Variants in ERRFI1 observed in about 807,000 individuals in gnomAD.
ERRFI1 encodes ERBB receptor feedback inhibitor 1.
ERRFI1 carries 12 observed loss-of-function variants against 14.6 expected under a neutral mutation model. The ratio of observed to expected loss-of-function variants is 0.82; its 90% CI spans 0.53 to 1.33. The LOEUF (loss-of-function observed/expected upper bound fraction) is 1.33, where lower values mean the gene tolerates loss of function less well. Among genes scored for constraint, ERRFI1 ranks in the 40% most tolerant of loss-of-function variants. The pLI, the probability that ERRFI1 is intolerant of heterozygous loss-of-function variation, is 0.00. For synonymous variants in ERRFI1, 202 were observed against 209.9 expected, an observed-to-expected ratio of 0.96 and a Z score of 0.32; for missense variants, 482 against 572.1, an observed-to-expected ratio of 0.84 and a Z score of 1.61.
At position 8,013,691 on chromosome 1, in the gene ERRFI1, G is replaced by A. The variant is rs2124057549; in HGVS notation, c.908C>T (p.Ala303Val). 6.2e-7 allele frequency: 1 copy of A among 1,614,164 alleles called. No individual in the cohort carries two copies. Among genetic ancestry groups the A allele is most frequent in the Non-Finnish European group, 8.5e-7 (1 of 1,180,020 alleles). ...ACTATAGGTGCTCGAAGTAACTTCT[G>A]CTGACCATCTTCTATAATCTGGCTT... ...PVKPDYRRWS[A>V]EVTSSTYSDE... The change falls in exon 4 of 4, where the codon GCA becomes GTA. Residue 303 changes from alanine (A) to valine (V), a missense_variant. Transcript: ENST00000377482. The surrounding 1 kb of genome is among the most constrained non-coding windows in gnomAD (Gnocchi z 4.3).
Position 8,012,260 on chromosome 1 carries a change from C to CT in ERRFI1, c.*949dup. 1 of 223,110 alleles carries CT rather than the reference C, an allele frequency of 4.5e-6. No individual in the cohort carries two copies. The allele number at this position is 223,110 out of a possible 1,614,324, so 13.8% of individuals were successfully genotyped here. A position where few individuals can be genotyped will look rare whatever the true frequency, so the allele number is the denominator to read the frequency against. ...TGTGTTGTATGTTTATTAATACAGT[C>CT]TAAAAAAAAAAAGCAAAACCACAAC... On this transcript the variant is annotated 3_prime_UTR_variant, in exon 4 of 4. Transcript: ENST00000377482.
intron 1 of ERRFI1, among the ~76,000 whole-genome samples, chr1:8,024,345 G>A (rs961624993): frequency 6.6e-6 from 1 of 152,048 alleles, no homozygotes; most frequent in Non-Finnish European, 1.5e-5. Context: ...AGTTTTACCC[G>A]TCAAAAATAT....
In ERRFI1 at chr1:8,013,640, G is replaced by A. The variant is rs151045316; in HGVS notation, c.959C>T (p.Pro320Leu). ...YSDEDRPPKV[P>L]PREPLSPSNS... Reference sequence around the variant, plus strand: ...ACTCGGTGACAAAGGTTCTCTTGGCGGTACTTTGGGAGGCCTGTCTTCATC... The same window carrying A: ...ACTCGGTGACAAAGGTTCTCTTGGCAGTACTTTGGGAGGCCTGTCTTCATC... The change falls in exon 4 of 4, where the codon CCG (proline) becomes CTG (leucine). Residue 320 changes from proline to leucine, a missense_variant. Coordinates refer to ENST00000377482, the MANE Select transcript of ERRFI1 (RefSeq NM_018948.4). The surrounding 1 kb of genome is among the most constrained non-coding windows in gnomAD (Gnocchi z 4.3). 4.4e-4 allele frequency: 713 copies of A among 1,614,106 alleles called. No homozygotes were observed. The highest frequency in any genetic ancestry group is 5.6e-4 in the Non-Finnish European group (659 of 1,180,028).
Position 8,013,111 on chromosome 1 carries a change from T to G in ERRFI1, c.*99A>C. 9.7e-7 allele frequency: 1 copy of G among 1,027,320 alleles called. No homozygotes were observed. Among genetic ancestry groups the G allele is most frequent in the Non-Finnish European group, 1.4e-6 (1 of 704,278 alleles). The allele number at this position is 1,027,320 out of a possible 1,614,324, so 63.6% of individuals were successfully genotyped here. A position where few individuals can be genotyped will look rare whatever the true frequency, so the allele number is the denominator to read the frequency against. Reference sequence around the variant, plus strand: ...GAAGACAGAGAGTTCAACTATTTTATTTTGCAATCTAAGGGATTTTTCTCT... The same window carrying G: ...GAAGACAGAGAGTTCAACTATTTTAGTTTGCAATCTAAGGGATTTTTCTCT... On this transcript the variant is annotated 3_prime_UTR_variant, in exon 4 of 4. Transcript: ENST00000377482. The surrounding 1 kb of genome is among the most constrained non-coding windows in gnomAD (Gnocchi z 4.3).
At chr1:8,025,511 G>A (rs1569603989) in intron 1 of ERRFI1, among the ~76,000 whole-genome samples, 1 of 152,270 alleles carries the variant, frequency 6.6e-6, no homozygotes. Flanking sequence ...TACCATCGTC[G>A]CTGTGAGATT....
intron 1 of ERRFI1, among the ~76,000 whole-genome samples, chr1:8,019,065 C>CA (rs935171432): frequency 2.6e-5 from 4 of 152,190 alleles, no homozygotes; most frequent in African/African-American, 9.7e-5. Flanking sequence ...AGGCCATGTA[C>CA]ATTCAATTGC....
At position 8,013,203 on chromosome 1, in the gene ERRFI1, C is replaced by T. The variant is rs1474379753; in HGVS notation, c.*7G>A. The T allele has an allele frequency of 4.4e-6, 7 of 1,592,104 alleles. No individual in the cohort carries two copies. The highest frequency in any genetic ancestry group is 6.0e-6 in the Non-Finnish European group (7 of 1,169,680). On this transcript the variant is annotated 3_prime_UTR_variant, in exon 4 of 4. Coordinates refer to ENST00000377482, the MANE Select transcript of ERRFI1 (RefSeq NM_018948.4). This position sits in a 1 kb window ranked among gnomAD's most constrained non-coding sequence, Gnocchi z 4.3. ...ATGTAACCTCTGCTGAACCATGACC[C>T]CAAGGTCTAAGGAGAAACCACATAG...
At position 8,012,274 on chromosome 1, in the gene ERRFI1, C is replaced by G. The variant is rs1641096461; in HGVS notation, c.*936G>C. The G allele has an allele frequency of 4.4e-6, 1 of 229,332 alleles. No individual in the cohort carries two copies. 14.2% of individuals were successfully genotyped at this position (229,332 alleles called of 1,614,324 possible). ...ATTAATACAGTCTAAAAAAAAAAAG[C>G]AAAACCACAACACACATCCCCAAAC... On this transcript the variant is annotated 3_prime_UTR_variant, in exon 4 of 4. Coordinates refer to ENST00000377482, the MANE Select transcript of ERRFI1 (RefSeq NM_018948.4).
rs1553128414 is a variant in ERRFI1, at chr1:8,026,308, T to TCGCCGCGGCTGCCGC, written c.-225_-224insGCGGCAGCCGCGGCG. Reference sequence around the variant, plus strand: ...CACTCTGCCTCGCACCGGACCGCCGTCGCCGCGGCTGCCGCCGCCGCCTCT... The same window carrying TCGCCGCGGCTGCCGC: ...CACTCTGCCTCGCACCGGACCGCCGTCGCCGCGGCTGCCGCCGCCGCGGCTGCCGCCGCCGCCTCT... On this transcript the variant is annotated 5_prime_UTR_variant, in exon 1 of 4. Transcript: ENST00000377482. 1 of 152,688 alleles carries TCGCCGCGGCTGCCGC rather than the reference T, an allele frequency of 6.5e-6. No individual in the cohort carries two copies. Among genetic ancestry groups the TCGCCGCGGCTGCCGC allele is most frequent in the Non-Finnish European group, 1.5e-5 (1 of 68,590 alleles). 9.5% of individuals were successfully genotyped at this position (152,688 alleles called of 1,614,324 possible). A position where few individuals can be genotyped will look rare whatever the true frequency, so the allele number is the denominator to read the frequency against.
intron 1 of ERRFI1, among the ~76,000 whole-genome samples, chr1:8,022,153 T>C (rs1435771195): frequency 1.3e-5 from 2 of 152,166 alleles, no homozygotes; most frequent in African/African-American, 4.8e-5. Context: ...TGACATTCTA[T>C]TACCACTTCA....
At chr1:8,018,365 G>T (rs1243665602) in intron 1 of ERRFI1, among the ~76,000 whole-genome samples, 1 of 53,860 alleles carries the variant, frequency 1.9e-5, no homozygotes, top group African/African-American at 7.6e-5. Flanking sequence ...ACAAATGGAA[G>T]CGGGGGGCGG....
chr1:8,020,701 C>T (rs1394981444), intron 1 of ERRFI1, among the ~76,000 whole-genome samples: 1 of 152,038 alleles, frequency 6.6e-6, no homozygotes, highest in Non-Finnish European at 1.5e-5. Flanking sequence ...TGCACCAACT[C>T]GCCAGGCTAA....
chr1:8,015,825 C>T, intron 1 of ERRFI1, 133 bp from the exon 2 acceptor site: 1 of 583,070 alleles, frequency 1.7e-6, no homozygotes, highest in Non-Finnish European at 2.9e-6. Context: ...TAGACTTTCA[C>T]TTAATTCTCA....
intron 1 of ERRFI1, among the ~76,000 whole-genome samples, chr1:8,024,164 T>C (rs1229158251): frequency 3.3e-5 from 5 of 152,220 alleles, no homozygotes; most frequent in South Asian, 2.1e-4. Flanking sequence ...GCAAATTGCT[T>C]TGAAAAGCCA....
chr1:8,020,711 A>G (rs950999043), intron 1 of ERRFI1, among the ~76,000 whole-genome samples: 2 of 152,002 alleles, frequency 1.3e-5, no homozygotes, highest in Admixed American at 6.6e-5. Context: ...CGCCAGGCTA[A>G]TTTTTGTATT....
chr1:8,017,703 C>G (rs1048638615), intron 1 of ERRFI1, among the ~76,000 whole-genome samples: 1 of 152,140 alleles, frequency 6.6e-6, no homozygotes, highest in Admixed American at 6.5e-5. Context: ...TGAAAGCACA[C>G]GTTTGAAGAT....
intron 3 of ERRFI1, 78 bp from the exon 4 acceptor site, chr1:8,014,474 C>T: frequency 7.4e-7 from 1 of 1,356,298 alleles, no homozygotes; most frequent in Non-Finnish European, 1.0e-6. Context: ...ACCCCAGCTA[C>T]CTATGCTTCC....
rs771414661 is a variant in ERRFI1, at chr1:8,013,271, G to T, written c.1328C>A (p.Thr443Lys). 1 of 1,613,726 alleles carries T rather than the reference G, an allele frequency of 6.2e-7. No individual in the cohort carries two copies. The highest frequency in any genetic ancestry group is 8.5e-7 in the Non-Finnish European group (1 of 1,179,950). The change falls in exon 4 of 4, where the codon ACA becomes AAA. Residue 443 changes from threonine (T) to lysine (K), a missense_variant. By Grantham distance (78) the Thr-to-Lys change is moderately conservative (BLOSUM62 -1). Coordinates refer to ENST00000377482, the MANE Select transcript of ERRFI1 (RefSeq NM_018948.4). This position sits in a 1 kb window ranked among gnomAD's most constrained non-coding sequence, Gnocchi z 4.3. ...CACGTGGCCACCCAGATCCATTTTTGTTTTTGAGTCTGGCTTTTCTGTGGC... is the reference window on the plus strand; with the variant it reads ...CACGTGGCCACCCAGATCCATTTTTTTTTTTGAGTCTGGCTTTTCTGTGGC... ...SSATEKPDSKTKMDLGGHVKR... is the reference protein window; with the variant it reads ...SSATEKPDSKKKMDLGGHVKR...
At chr1:8,025,216 G>A (rs1000967600) in intron 1 of ERRFI1, among the ~76,000 whole-genome samples, 28 of 152,286 alleles carry the variant, frequency 1.8e-4, no homozygotes, top group African/African-American at 6.5e-4. Flanking sequence ...TCAGGTAAGA[G>A]ACTGGTTTCT....
Sources: gnomAD v4.1 joint callset for allele counts (sites outside exome capture counted in the v4.1 genomes callset) on GRCh38, gnomAD v4.1.1 for gene constraint, Gnocchi (gnomAD v3.1) non-coding constraint, MANE v1.5 for transcripts, NCBI Gene and HGNC (gene_info 2026-07-23, HGNC 2026-07-21) for gene names.